The following NEDD1 variants were observed in gnomAD, a reference collection of about 807,000 sequenced individuals.
The protein encoded by NEDD1 is protein NEDD1.
In NEDD1, 33 loss-of-function variants were observed where a neutral mutation model predicts 74.0. The ratio of observed to expected loss-of-function variants is 0.45; its 90% CI spans 0.34 to 0.60. NEDD1 has a LOEUF of 0.60. NEDD1 is among the 20% of genes least tolerant of loss of function. NEDD1 has a pLI of 0.01. For synonymous variants in NEDD1, 250 were observed against 264.4 expected, an observed-to-expected ratio of 0.95 and a Z score of 0.53; for missense variants, 746 against 776.5, an observed-to-expected ratio of 0.96 and a Z score of 0.47.
chr12:96,929,051 A>G (rs1592894006), intron 6 of NEDD1, among the ~76,000 whole-genome samples: 1 of 151,762 alleles, frequency 6.6e-6, no homozygotes, highest in East Asian at 1.9e-4. Flanking sequence ...TTTTTCTTAA[A>G]TTATAATTTT....
chr12:96,951,078 A>G (rs903851487), intron 14 of NEDD1, among the ~76,000 whole-genome samples: 3 of 151,872 alleles, frequency 2.0e-5, no homozygotes, highest in African/African-American at 7.2e-5. Context: ...GGAATATAGT[A>G]TCGGAGAGTT....
rs930046579 is a variant in NEDD1, at chr12:96,953,297, A to C, written c.*1244A>C. The stretch of plus-strand genomic sequence containing the variant: ...GAAATTTTTAAGGATATATTTAATA[A>C]GCATAAACTTACTAATAATTACTTC... On this transcript the variant is annotated 3_prime_UTR_variant, in exon 16 of 16. Transcript: ENST00000266742. The C allele has an allele frequency of 8.6e-5, 13 of 151,694 alleles. No homozygotes were observed. The highest frequency in any genetic ancestry group is 3.1e-4 in the African/African-American group (13 of 41,430). 9.4% of individuals were successfully genotyped at this position (151,694 alleles called of 1,614,324 possible). A position where few individuals can be genotyped will look rare whatever the true frequency, so the allele number is the denominator to read the frequency against.
chr12:96,932,528 TTA>T (rs1214443028), intron 6 of NEDD1, among the ~76,000 whole-genome samples: 3 of 105,668 alleles, frequency 2.8e-5, no homozygotes, highest in Non-Finnish European at 5.9e-5. Flanking sequence ...TATATATAAA[TTA>T]TATATATATA....
At chr12:96,919,255 A>G (rs1874799839) in intron 5 of NEDD1, among the ~76,000 whole-genome samples, 1 of 152,194 alleles carries the variant, frequency 6.6e-6, no homozygotes, top group Non-Finnish European at 1.5e-5. Flanking sequence ...AGTGGAAGGA[A>G]GAGAGGCTTT....
At chr12:96,917,850 T>A in intron 5 of NEDD1, 113 bp downstream of exon 5, 1 of 1,240,120 alleles carries the variant, frequency 8.1e-7, no homozygotes, top group Non-Finnish European at 1.1e-6. Flanking sequence ...GCTTCAGAAT[T>A]GAACTAAGAT....
At chr12:96,920,352 T>C (rs917623705) in intron 6 of NEDD1, among the ~76,000 whole-genome samples, 4 of 151,998 alleles carry the variant, frequency 2.6e-5, no homozygotes, top group Non-Finnish European at 5.9e-5. Context: ...AGACTATAAC[T>C]ATATACAGCA....
At chr12:96,916,230 T>TTTTTTA (rs1555200660) in intron 4 of NEDD1, among the ~76,000 whole-genome samples, 3 of 145,420 alleles carry the variant, frequency 2.1e-5, no homozygotes, top group African/African-American at 7.6e-5. Context: ...CCGTTGAAGA[T>TTTTTTA]TTATTATTAT....
At chr12:96,923,121 GA>G (rs74829808) in intron 6 of NEDD1, among the ~76,000 whole-genome samples, 22,492 of 146,302 alleles carry the variant, frequency 0.15, 1,961 homozygotes, top group Middle Eastern at 0.26. Flanking sequence ...TGTCTCAAAA[GA>G]AAAAAAAAAG....
At position 96,907,280 on chromosome 12, in the gene NEDD1, C is replaced by T. The variant is rs1873404454; in HGVS notation, c.-282C>T. On this transcript the variant is annotated 5_prime_UTR_variant, in exon 1 of 16. Transcript: ENST00000266742. ...CCAGCGCGGAGCCGGCCGCGGCCCC[C>T]TGTTGTGTTGCTGCGGAGAGGTGAG... 7.2e-6 allele frequency: 2 copies of T among 276,664 alleles called. No individual in the cohort carries two copies. Among genetic ancestry groups the T allele is most frequent in the African/African-American group, 2.2e-5 (1 of 45,042 alleles). The allele number at this position is 276,664 out of a possible 1,614,324, so 17.1% of individuals were successfully genotyped here.
At chr12:96,920,696 T>C (rs992391270) in intron 6 of NEDD1, among the ~76,000 whole-genome samples, 3 of 152,100 alleles carry the variant, frequency 2.0e-5, no homozygotes. Flanking sequence ...ATAAATTCAG[T>C]TTTTCAAGGA....
chr12:96,931,586 T>C (rs1876472246), intron 6 of NEDD1, among the ~76,000 whole-genome samples: 1 of 152,196 alleles, frequency 6.6e-6, no homozygotes, highest in Non-Finnish European at 1.5e-5. Flanking sequence ...ACAATTTTTT[T>C]CATAAATTAA....
At position 96,937,178 on chromosome 12, in the gene NEDD1, A is replaced by G; in HGVS notation, c.922-20A>G. 1 of 1,450,396 alleles carries G rather than the reference A, an allele frequency of 6.9e-7. No homozygotes were observed. Among genetic ancestry groups the G allele is most frequent in the African/African-American group, 1.4e-5 (1 of 69,606 alleles). 89.8% of individuals were successfully genotyped at this position (1,450,396 alleles called of 1,614,324 possible). A position where few individuals can be genotyped will look rare whatever the true frequency, so the allele number is the denominator to read the frequency against. Reference sequence around the variant, plus strand: ...GAAACATTAGTAACCTGAGCTTTTAAATATTCCATTACATTTCAGTCAAGT... The same window carrying G: ...GAAACATTAGTAACCTGAGCTTTTAGATATTCCATTACATTTCAGTCAAGT... On this transcript the variant is annotated intron_variant, in intron 8 of 15. Transcript: ENST00000266742.
At chr12:96,908,819 C>T (rs1165461251) in intron 2 of NEDD1, among the ~76,000 whole-genome samples, 1 of 152,116 alleles carries the variant, frequency 6.6e-6, no homozygotes, top group Non-Finnish European at 1.5e-5. Flanking sequence ...TGTGAAACTG[C>T]TGTGTGCCAG....
chr12:96,909,933 C>T, intron 3 of NEDD1, 38 bp downstream of exon 3: 3 of 1,576,802 alleles, frequency 1.9e-6, no homozygotes, highest in Non-Finnish European at 2.6e-6. Context: ...CACACACACA[C>T]AAACCGCTTA....
Position 96,940,552 on chromosome 12 carries a change from AG to A in NEDD1, c.1246+17del. 6.3e-7 allele frequency: 1 copy of A among 1,578,798 alleles called. No individual in the cohort carries two copies. Among genetic ancestry groups the A allele is most frequent in the Non-Finnish European group, 8.7e-7 (1 of 1,155,758 alleles). On this transcript the variant is annotated intron_variant, in intron 10 of 15. Coordinates refer to ENST00000266742, the MANE Select transcript of NEDD1 (RefSeq NM_152905.4). ...TATCAGAGATGGTAAGTCTGTTCAG[AG>A]GATCCTGTTCTCTTGCTGGTAGTTA...
intron 6 of NEDD1, among the ~76,000 whole-genome samples, chr12:96,934,139 A>G (rs1240700352): frequency 6.6e-6 from 1 of 152,086 alleles, no homozygotes; most frequent in Non-Finnish European, 1.5e-5. Context: ...TCAGTGCATC[A>G]GATGCTCAGA....
At chr12:96,918,033 G>A (rs985705655) in intron 5 of NEDD1, among the ~76,000 whole-genome samples, 2 of 152,048 alleles carry the variant, frequency 1.3e-5, no homozygotes, top group African/African-American at 2.4e-5. Flanking sequence ...AAACTATGGT[G>A]TGTGGTCATC....
chr12:96,945,827 C>A lies in NEDD1; in HGVS notation c.1789C>A (p.Gln597Lys). 6.2e-7 allele frequency: 1 copy of A among 1,610,706 alleles called. No homozygotes were observed. The highest frequency in any genetic ancestry group is 8.5e-7 in the Non-Finnish European group (1 of 1,177,252). ...AATTCGTTTTATTCAGAACATGATA[C>A]AGGAAACGTTGGATGACTTTAGGTA... ...IQIRFIQNMI[Q>K]ETLDDFREAC... The change falls in exon 14 of 16, where the codon CAG becomes AAG. Residue 597 changes from glutamine (Q) to lysine (K), a missense_variant. Transcript: ENST00000266742.
At chr12:96,910,279 A>G (rs1273328639) in intron 3 of NEDD1, among the ~76,000 whole-genome samples, 2 of 152,212 alleles carry the variant, frequency 1.3e-5, no homozygotes, top group Non-Finnish European at 2.9e-5. Context: ...ACATTTGGGT[A>G]TTTGTGGATC....
Sources: allele counts gnomAD v4.1 joint callset (sites outside exome capture counted in the v4.1 genomes callset), GRCh38; gene constraint gnomAD v4.1.1; transcripts MANE v1.5; gene names NCBI Gene and HGNC (gene_info 2026-07-23, HGNC 2026-07-21).